The following ARAP2 variants were observed in gnomAD, a reference collection of about 807,000 sequenced individuals.
ARAP2 encodes the protein arf-GAP with Rho-GAP domain, ANK repeat and PH domain-containing protein 2.
ARAP2 carries 148 observed loss-of-function variants against 194.5 expected under a neutral mutation model. That is an observed-to-expected ratio of 0.76 (90% confidence interval 0.67 to 0.87). ARAP2 has a LOEUF of 0.87. Ranked by LOEUF, ARAP2 falls within the 40% of genes least tolerant of loss-of-function variation. ARAP2 has a pLI of 0.00. For missense variants in ARAP2, 2,128 were observed against 1,989.7 expected, an observed-to-expected ratio of 1.07 and a Z score of -1.32; for synonymous variants, 695 against 683.5, an observed-to-expected ratio of 1.02 and a Z score of -0.26.
chr4:36,035,162 C>A (rs1272183676), intron 5 of ARAP2, among the ~76,000 whole-genome samples: 1 of 151,870 alleles, frequency 6.6e-6, no homozygotes, highest in Non-Finnish European at 1.5e-5. Context: ...GCATGGTACC[C>A]ACTCTTTTTT....
intron 8 of ARAP2, among the ~76,000 whole-genome samples, chr4:36,182,495 C>CCAAATAAATAAA: frequency 7.1e-6 from 1 of 140,784 alleles, no homozygotes; most frequent in South Asian, 2.4e-4. Flanking sequence ...GACTCCATCT[C>CCAAATAAATAAA]TAAATAAATA....
At chr4:36,109,160 T>A (rs1353821635) in intron 26 of ARAP2, among the ~76,000 whole-genome samples, 2 of 151,946 alleles carry the variant, frequency 1.3e-5, no homozygotes, top group Non-Finnish European at 2.9e-5. Context: ...TAGTTTCAGA[T>A]AAGAAAATAA....
chr4:36,119,843 G>C (rs1722271163), intron 23 of ARAP2, 125 bp from the exon 24 acceptor site: 3 of 591,674 alleles, frequency 5.1e-6, no homozygotes, highest in Non-Finnish European at 8.6e-6. Context: ...ATGGCCATCG[G>C]AATCAATATG....
At chr4:36,030,851 G>T (rs1718824264) in intron 5 of ARAP2, among the ~76,000 whole-genome samples, 1 of 142,096 alleles carries the variant, frequency 7.0e-6, no homozygotes, top group African/African-American at 2.6e-5. Flanking sequence ...TAAATTTCTG[G>T]CTGGGTGTGT....
At chr4:36,116,484 T>C (rs551699637) in intron 25 of ARAP2, among the ~76,000 whole-genome samples, 20 of 151,896 alleles carry the variant, frequency 1.3e-4, no homozygotes, top group Non-Finnish European at 4.4e-5. Context: ...TCACAAATGA[T>C]CAGTACTCTC....
chr4:36,220,029 T>C (rs1415446109), intron 2 of ARAP2, among the ~76,000 whole-genome samples: 2 of 152,216 alleles, frequency 1.3e-5, no homozygotes, highest in African/African-American at 4.8e-5. Flanking sequence ...AGATTCTCGA[T>C]ACTTCTATAA....
rs772000912 is a variant in ARAP2 at position 36,158,720 on chromosome 4, G to GA, written c.2752+9dup. 12 of 1,592,116 alleles carry GA rather than the reference G, an allele frequency of 7.5e-6. No homozygotes were observed. Among genetic ancestry groups the GA allele is most frequent in the African/African-American group, 1.4e-5 (1 of 73,564 alleles). On this transcript the variant is annotated intron_variant, in intron 15 of 32. Transcript: ENST00000303965. ...TATCTGATAATATCTAAAAAGAAGA[G>GA]AAAAAATACCTTCAAGCAGTTTTTT...
chr4:36,164,957 C>T lies in ARAP2; in HGVS notation c.2130G>A (p.Trp710Ter). ...TGACAACACAGAGATTGATGGATGC[C>T]CAGTCAGGATCTGGGGCTTTACAAT... The part of the protein sequence containing the change: ...CADCKAPDPD[W>*]ASINLCVVIC... The change falls in exon 11 of 33, where the codon TGG becomes TGA. Residue 710 changes from tryptophan to a stop codon, truncating the protein, a stop_gained. Transcript: ENST00000303965. LOFTEE classifies it high-confidence loss of function. The T allele has an allele frequency of 5.0e-6, 8 of 1,614,024 alleles. No homozygotes were observed. The highest frequency in any genetic ancestry group is 4.2e-6 in the Non-Finnish European group (5 of 1,179,932).
intron 19 of ARAP2, among the ~76,000 whole-genome samples, chr4:36,136,778 A>AAT (rs1042155869): frequency 1.3e-4 from 16 of 123,580 alleles, no homozygotes; most frequent in African/African-American, 3.9e-4. Context: ...CTAAGAATCA[A>AAT]ATATATGTGT....
At chr4:36,167,497 G>A (rs1229422082) in intron 9 of ARAP2, among the ~76,000 whole-genome samples, 1 of 152,096 alleles carries the variant, frequency 6.6e-6, no homozygotes. Flanking sequence ...TCAGCTAGTT[G>A]TATGTGGTAG....
chr4:36,242,210 A>G (rs1320073779), intron 1 of ARAP2, among the ~76,000 whole-genome samples: 1 of 152,226 alleles, frequency 6.6e-6, no homozygotes, highest in African/African-American at 2.4e-5. Flanking sequence ...AAGCTAAGAC[A>G]TATTTCCCAG....
intron 27 of ARAP2, among the ~76,000 whole-genome samples, chr4:36,102,197 G>T (rs997804481): frequency 2.6e-5 from 4 of 151,902 alleles, no homozygotes; most frequent in African/African-American, 9.7e-5. Flanking sequence ...TCAAACACAC[G>T]TCAGACTCTT....
At position 36,017,564 on chromosome 4, in the gene ARAP2, T is replaced by A. The variant is rs1163506448; in HGVS notation, n.750+1580A>T. On this transcript the variant is annotated intron_variant and non_coding_transcript_variant, in intron 6 of 12. Transcript: ENST00000503225. ...TTTAAGCAAAGACCTAAGAAAGTGG[T>A]AAAAAAAAAAAAAAAAAAAAAAAGC... 3.4e-3 allele frequency among the ~76,000 whole-genome samples: 145 copies of A among 42,532 alleles called. 1 individual carries two copies. Among genetic ancestry groups the A allele is most frequent in the Admixed American group, 5.4e-3 (12 of 2,232 alleles). The allele number at this position is 42,532 out of a possible 152,430, so 27.9% of individuals were successfully genotyped here. A position where few individuals can be genotyped will look rare whatever the true frequency, so the allele number is the denominator to read the frequency against.
chr4:36,171,015 C>A (rs937210795), intron 9 of ARAP2, among the ~76,000 whole-genome samples: 3 of 152,054 alleles, frequency 2.0e-5, no homozygotes, highest in African/African-American at 7.2e-5. Context: ...TCCTAACAGG[C>A]CTTCCAAAGA....
At chr4:36,158,534 C>T (rs1733119430) in intron 15 of ARAP2, among the ~76,000 whole-genome samples, 196 bp downstream of exon 15, 1 of 152,090 alleles carries the variant, frequency 6.6e-6, no homozygotes, top group East Asian at 1.9e-4. Flanking sequence ...ATTCACTCAG[C>T]ATTCCAACCA....
intron 19 of ARAP2, among the ~76,000 whole-genome samples, chr4:36,142,430 C>G (rs143874735): frequency 7.9e-5 from 12 of 151,436 alleles, no homozygotes; most frequent in African/African-American, 2.4e-4. Flanking sequence ...CTATGAACCT[C>G]CCTCCAGATA....
At chr4:36,030,519 T>C (rs1028360118) in intron 5 of ARAP2, among the ~76,000 whole-genome samples, 1 of 152,100 alleles carries the variant, frequency 6.6e-6, no homozygotes, top group Non-Finnish European at 1.5e-5. Flanking sequence ...TTTGTTTTTC[T>C]TCTTCATGTA....
chr4:36,237,137 A>C (rs1752601792), intron 1 of ARAP2, among the ~76,000 whole-genome samples: 1 of 152,256 alleles, frequency 6.6e-6, no homozygotes, highest in South Asian at 2.1e-4. Context: ...TAGTTTATCA[A>C]AACTTATTGT....
At chr4:36,229,732 A>G (rs1416243033) in intron 1 of ARAP2, 87 bp from the exon 2 acceptor site, 2 of 317,000 alleles carry the variant, frequency 6.3e-6, no homozygotes, top group African/African-American at 4.2e-5. Flanking sequence ...AACAGCAGAA[A>G]TTAGGACACT....
Sources: gnomAD v4.1 joint callset for allele counts (sites outside exome capture counted in the v4.1 genomes callset) on GRCh38, gnomAD v4.1.1 for gene constraint, MANE v1.5 for transcripts, NCBI Gene and HGNC (gene_info 2026-07-23, HGNC 2026-07-21) for gene names.